UNC79: variants seen among roughly 807,000 people sequenced by gnomAD.
The protein encoded by UNC79 is protein unc-79 homolog.
UNC79 carries 37 observed loss-of-function variants against 283.1 expected under a neutral mutation model. The ratio of observed to expected loss-of-function variants is 0.13; its 90% CI spans 0.10 to 0.17. The LOEUF (loss-of-function observed/expected upper bound fraction) is 0.17, where lower values mean the gene tolerates loss of function less well. Among genes scored for constraint, UNC79 ranks in the 10% least tolerant of loss-of-function variants. The probability of loss-of-function intolerance (pLI) is 1.00; values close to 1 mark genes in which losing one functional copy is unlikely to be tolerated. For missense variants in UNC79, 2,272 were observed against 3,211.1 expected (o/e 0.71, Z 7.07); for synonymous variants, 1,107 against 1,200.2 (o/e 0.92, Z 1.61).
At chr14:93,460,572 T>TCA (rs1410376478) in intron 1 of UNC79, among the ~76,000 whole-genome samples, 1 of 151,926 alleles carries the variant, frequency 6.6e-6, no homozygotes, top group Non-Finnish European at 1.5e-5. Context: ...GAGATGTTAT[T>TCA]CACACTTAAT....
intron 23 of UNC79, among the ~76,000 whole-genome samples, chr14:93,596,117 T>C (rs1288782550): frequency 1.3e-5 from 2 of 152,104 alleles, no homozygotes; most frequent in Non-Finnish European, 2.9e-5. Flanking sequence ...AAGGCATAAA[T>C]ATAATCAAGA....
At chr14:93,396,376 A>T (rs1595427869) in intron 1 of UNC79, among the ~76,000 whole-genome samples, 2 of 152,234 alleles carry the variant, frequency 1.3e-5, no homozygotes, top group South Asian at 4.1e-4. Context: ...TATTTAAAAT[A>T]GATTATTGAA....
At chr14:93,705,735 T>G (rs928123525) in intron 48 of UNC79, among the ~76,000 whole-genome samples, 2 of 152,196 alleles carry the variant, frequency 1.3e-5, no homozygotes, top group African/African-American at 4.8e-5. Flanking sequence ...AGCTGCCTGC[T>G]CCATCCAAAC....
chr14:93,650,168 A>G (rs570696869), intron 35 of UNC79, among the ~76,000 whole-genome samples: 64 of 152,186 alleles, frequency 4.2e-4, no homozygotes, highest in Admixed American at 6.5e-4. Context: ...TTTCTTTTTC[A>G]AGGCTGAATT....
intron 32 of UNC79, among the ~76,000 whole-genome samples, chr14:93,640,623 G>T (rs1416156348): frequency 6.6e-6 from 1 of 152,166 alleles, no homozygotes; most frequent in Non-Finnish European, 1.5e-5. Flanking sequence ...GCAAGACCTT[G>T]TCACAAACAA....
At chr14:93,684,171 C>T (rs1467959764) in intron 42 of UNC79, among the ~76,000 whole-genome samples, 1 of 152,138 alleles carries the variant, frequency 6.6e-6, no homozygotes, top group African/African-American at 2.4e-5. Flanking sequence ...ATAATTGAAG[C>T]CTTGGACCTT....
intron 1 of UNC79, chr14:93,464,581 T>C (rs1039023792): frequency 8.8e-6 from 4 of 456,248 alleles, no homozygotes; most frequent in Admixed American, 7.0e-5. Flanking sequence ...CAAAATTCAG[T>C]CAATAACAGA....
chr14:93,344,936 T>G (rs2053793057), intron 1 of UNC79, among the ~76,000 whole-genome samples: 2 of 152,134 alleles, frequency 1.3e-5, no homozygotes. Flanking sequence ...GATGGTTAAC[T>G]CCTGTAATCC....
chr14:93,358,664 C>T (rs927120306), intron 1 of UNC79, among the ~76,000 whole-genome samples: 2 of 152,080 alleles, frequency 1.3e-5, no homozygotes, highest in African/African-American at 4.8e-5. Context: ...CTCTGATGAA[C>T]TTTTTTTTGC....
chr14:93,672,942 C>A (rs2073018198), intron 40 of UNC79, among the ~76,000 whole-genome samples: 1 of 152,122 alleles, frequency 6.6e-6, no homozygotes, highest in Admixed American at 6.5e-5. Context: ...TGAAATAGTC[C>A]ATTTCAGAAA....
At chr14:93,655,738 GTAAA>G (rs2070866623) in intron 38 of UNC79, among the ~76,000 whole-genome samples, 1 of 151,680 alleles carries the variant, frequency 6.6e-6, no homozygotes, top group African/African-American at 2.4e-5. Context: ...AAATAAGTAA[GTAAA>G]TAGTTTTGTC....
rs555376432 is a variant in UNC79 at position 93,562,502 on chromosome 14, A to G, written c.1756-9392A>G. Reference sequence around the variant, plus strand: ...ACAGGCTCTAATTCTGAGAAGGGCAAGAGGTAAAAGTACTGTCCAGTCCTT... The same window carrying G: ...ACAGGCTCTAATTCTGAGAAGGGCAGGAGGTAAAAGTACTGTCCAGTCCTT... On this transcript the variant is annotated intron_variant, in intron 14 of 48. Coordinates refer to ENST00000555664, the Ensembl canonical transcript of UNC79. 1.8e-3 allele frequency among the ~76,000 whole-genome samples: 267 copies of G among 152,320 alleles called. 1 individual carries two copies. In the Middle Eastern group the frequency reaches 0.031, roughly 17 times the overall value.
intron 1 of UNC79, chr14:93,466,992 C>T: frequency 4.9e-6 from 4 of 808,768 alleles, no homozygotes; most frequent in Non-Finnish European, 6.0e-6. Context: ...AGGAAGTCTC[C>T]TAATTTATGA....
intron 1 of UNC79, among the ~76,000 whole-genome samples, chr14:93,374,237 A>G (rs1417940194): frequency 6.6e-6 from 1 of 152,146 alleles, no homozygotes; most frequent in African/African-American, 2.4e-5. Flanking sequence ...TGCAACATCC[A>G]CCTGGGAAAG....
At chr14:93,370,851 A>G (rs1269996570) in intron 1 of UNC79, among the ~76,000 whole-genome samples, 2 of 152,274 alleles carry the variant, frequency 1.3e-5, no homozygotes, top group African/African-American at 2.4e-5. Context: ...GAAAACAACA[A>G]TGACAACAAA....
At chr14:93,561,587 G>C (rs978989210) in intron 14 of UNC79, among the ~76,000 whole-genome samples, 6 of 152,160 alleles carry the variant, frequency 3.9e-5, no homozygotes, top group African/African-American at 1.4e-4. Context: ...GGCTAGGAGA[G>C]AGTGAGTAAG....
rs79621087 is a variant in UNC79, at chr14:93,571,785, A to G, written c.1756-109A>G. 11,706 of 1,136,142 alleles carry G rather than the reference A, an allele frequency of 0.01. 814 individuals are homozygous for G. The African/African-American group carries it at 0.16, about 15-fold the overall frequency. The allele number at this position is 1,136,142 out of a possible 1,614,324, so 70.4% of individuals were successfully genotyped here. A position where few individuals can be genotyped will look rare whatever the true frequency, so the allele number is the denominator to read the frequency against. On this transcript the variant is annotated intron_variant, in intron 14 of 48. Coordinates refer to ENST00000555664, the Ensembl canonical transcript of UNC79. ...AAGATTCTTGGCCTAGGACTCAGACATGATGGATTGTGGCCTTTCTCTGTA... is the reference window on the plus strand; with the variant it reads ...AAGATTCTTGGCCTAGGACTCAGACGTGATGGATTGTGGCCTTTCTCTGTA...
At chr14:93,340,686 C>T (rs1182914657) in intron 1 of UNC79, among the ~76,000 whole-genome samples, 1 of 151,758 alleles carries the variant, frequency 6.6e-6, no homozygotes, top group Admixed American at 6.6e-5. Context: ...ATTCTCCCAA[C>T]TCAGCCTCCT....
chr14:93,472,955 A>G (rs2057599283), intron 2 of UNC79, among the ~76,000 whole-genome samples: 1 of 152,144 alleles, frequency 6.6e-6, no homozygotes, highest in South Asian at 2.1e-4. Flanking sequence ...GTATAACCTA[A>G]TTTTACAAAA....
Sources: gnomAD v4.1 joint callset for allele counts (sites outside exome capture counted in the v4.1 genomes callset) on GRCh38, gnomAD v4.1.1 for gene constraint, MANE v1.5 for transcripts, NCBI Gene and HGNC (gene_info 2026-07-23, HGNC 2026-07-21) for gene names.